Variants in DNAAF5 observed in about 807,000 individuals in gnomAD.
DNAAF5 encodes the protein dynein axonemal assembly factor 5.
A neutral mutation model predicts 75.8 loss-of-function variants in DNAAF5; 64 were observed. The ratio of observed to expected loss-of-function variants is 0.84; its 90% CI spans 0.69 to 1.04. The LOEUF is 1.04. Ranked by LOEUF, DNAAF5 falls within the 50% of genes least tolerant of loss-of-function variation. The pLI, the probability that DNAAF5 is intolerant of heterozygous loss-of-function variation, is 0.00. For synonymous variants in DNAAF5, 657 were observed against 557.2 expected (o/e 1.18, Z -2.52); for missense variants, 1,269 against 1,178.5 (o/e 1.08, Z -1.12).
rs1023892174 is a variant in DNAAF5 at position 754,359 on chromosome 7, C to G, written c.1025-230C>G. Among the ~76,000 whole-genome samples the G allele has an allele frequency of 6.6e-6, 1 of 152,134 alleles. No homozygotes were observed. The highest frequency in any genetic ancestry group is 2.4e-5 in the African/African-American group (1 of 41,414). ...CAGGCTGGTCTTGACTTCCTGGGCT[C>G]TAGTGATCCACCTGCCTTGGCCTCC... On this transcript the variant is annotated intron_variant, in intron 4 of 12. Coordinates refer to ENST00000297440, the MANE Select transcript of DNAAF5 (RefSeq NM_017802.4). This position sits in a 1 kb window ranked among gnomAD's most constrained non-coding sequence, Gnocchi z 4.8.
chr7:773,531 G>C (rs75111580), intron 9 of DNAAF5, among the ~76,000 whole-genome samples: 1 of 148,098 alleles, frequency 6.8e-6, no homozygotes, highest in African/African-American at 2.7e-5. Context: ...TGTGGCCCTT[G>C]GGTCCCCGGA....
intron 8 of DNAAF5, among the ~76,000 whole-genome samples, chr7:766,774 C>A (rs1782833668): frequency 6.6e-6 from 1 of 152,180 alleles, no homozygotes; most frequent in Admixed American, 6.5e-5. Flanking sequence ...TGTACCACTG[C>A]ACTCCAGCCC....
intron 9 of DNAAF5, among the ~76,000 whole-genome samples, chr7:773,133 A>G (rs1341825329): frequency 6.6e-6 from 1 of 152,218 alleles, no homozygotes; most frequent in African/African-American, 2.4e-5. Flanking sequence ...GCCCTCTTGC[A>G]AGTCACGGTG....
At chr7:743,405 C>T (rs1007648219) in intron 4 of DNAAF5, among the ~76,000 whole-genome samples, 1 of 151,786 alleles carries the variant, frequency 6.6e-6, no homozygotes, top group African/African-American at 2.4e-5. Flanking sequence ...AACAGTTTCT[C>T]ATGTCTGGTA....
Position 785,552 on chromosome 7 carries a change from C to A in DNAAF5, c.2467C>A (p.Leu823Ile), listed in dbSNP as rs948333896. 6.2e-7 allele frequency: 1 copy of A among 1,613,586 alleles called. No individual in the cohort carries two copies. Among genetic ancestry groups the A allele is most frequent in the African/African-American group, 1.3e-5 (1 of 74,938 alleles). ...AGAGGGCAGCGGGCTGTTCCCAGAT[C>A]TCCTGGTGAGGGAGACGGAGGCCGT... The part of the protein sequence containing the change: ...LKEGSGLFPD[L>I]LVRETEAVIH... Residue 823 changes from leucine (L) to isoleucine (I), a missense_variant, in exon 13 of 13, where the codon CTC (leucine) becomes ATC (isoleucine). Coordinates refer to ENST00000297440, the MANE Select transcript of DNAAF5 (RefSeq NM_017802.4).
At chr7:770,728 A>G (rs1778533978) in intron 9 of DNAAF5, 110 bp downstream of exon 9, 2 of 1,054,136 alleles carry the variant, frequency 1.9e-6, no homozygotes, top group Admixed American at 2.4e-5. Flanking sequence ...CTCCTTCCCC[A>G]ACACTGCACT....
At chr7:780,767 T>C (rs982929044) in intron 12 of DNAAF5, among the ~76,000 whole-genome samples, 4 of 151,628 alleles carry the variant, frequency 2.6e-5, no homozygotes, top group Non-Finnish European at 5.9e-5. Flanking sequence ...CCACGCTCAG[T>C]GCATTAAAAT....
At chr7:740,726 C>T (rs545800310) in intron 2 of DNAAF5, 93 bp from the exon 3 acceptor site, 31 of 1,530,116 alleles carry the variant, frequency 2.0e-5, no homozygotes, top group South Asian at 1.2e-4. Flanking sequence ...CCTCAGGCAG[C>T]GTCCGTATGG....
intron 8 of DNAAF5, among the ~76,000 whole-genome samples, chr7:766,978 G>A (rs377746403): frequency 1.5e-4 from 22 of 151,148 alleles, no homozygotes; most frequent in East Asian, 5.9e-4. Context: ...GGTGGCTCAC[G>A]CCTGTAATCC....
chr7:734,987 C>A (rs936292645), intron 2 of DNAAF5, among the ~76,000 whole-genome samples: 1 of 150,848 alleles, frequency 6.6e-6, no homozygotes, highest in Admixed American at 6.6e-5. Flanking sequence ...CTCACAGTGT[C>A]GCTGCTCACG....
At chr7:756,686 G>A in intron 5 of DNAAF5, 96 bp from the exon 6 acceptor site, 9 of 1,080,238 alleles carry the variant, frequency 8.3e-6, no homozygotes, top group Non-Finnish European at 1.3e-5. Flanking sequence ...TCTGTCTGGT[G>A]CACGGCTGTG....
At position 745,427 on chromosome 7, in the gene DNAAF5, T is replaced by TAC. The variant is rs767410019; in HGVS notation, c.1024+3976_1024+3977dup. 3.2e-3 allele frequency among the ~76,000 whole-genome samples: 402 copies of TAC among 125,418 alleles called. 1 individual carries two copies. Among genetic ancestry groups the TAC allele is most frequent in the Admixed American group, 6.0e-3 (75 of 12,508 alleles). The allele number at this position is 125,418 out of a possible 152,430, so 82.3% of individuals were successfully genotyped here. Reference sequence around the variant, plus strand: ...GAAGACAGAGCGAGGCGCACACGCATACACACACACACACATATTCACATG... The same window carrying TAC: ...GAAGACAGAGCGAGGCGCACACGCATACACACACACACACACATATTCACATG... On this transcript the variant is annotated intron_variant, in intron 4 of 12. Coordinates refer to ENST00000297440, the MANE Select transcript of DNAAF5 (RefSeq NM_017802.4).
intron 9 of DNAAF5, chr7:772,222 C>G (rs1778591934): frequency 6.6e-6 from 1 of 152,432 alleles, no homozygotes; most frequent in Non-Finnish European, 1.5e-5. Context: ...CACAGGCTTT[C>G]TGTGTCTTAC....
intron 12 of DNAAF5, 28 bp from the exon 13 acceptor site, chr7:785,489 A>G: frequency 6.2e-7 from 1 of 1,606,568 alleles, no homozygotes; most frequent in Non-Finnish European, 8.5e-7. Context: ...TGTTTCTGGC[A>G]TGTTCAAGGT....
intron 12 of DNAAF5, among the ~76,000 whole-genome samples, chr7:784,080 C>G (rs1439141459): frequency 6.6e-6 from 1 of 151,974 alleles, no homozygotes; most frequent in Non-Finnish European, 1.5e-5. Context: ...CTGGAAGCAG[C>G]CCGCCTTACC....
chr7:762,887 CAT>C (rs1207361218), intron 7 of DNAAF5, among the ~76,000 whole-genome samples: 8 of 152,276 alleles, frequency 5.3e-5, no homozygotes, highest in African/African-American at 1.9e-4. Context: ...GGGCTGGGAT[CAT>C]AGGCATGAGC....
In DNAAF5 at chr7:761,885, C is replaced by T; in HGVS notation, c.1603C>T (p.Leu535=). Reference sequence around the variant, plus strand: ...AGTGGCCCTCGCAGGTGCTACCGGCCTGAGGGACAAGGTAAGGCTGACAGT... The same window carrying T: ...AGTGGCCCTCGCAGGTGCTACCGGCTTGAGGGACAAGGTAAGGCTGACAGT... ...TIVALAGATG[L]RDKAQETMDS... Residue 535 remains leucine, a synonymous_variant, in exon 7 of 13, where the codon CTG becomes TTG. Transcript: ENST00000297440. 1.3e-6 allele frequency: 2 copies of T among 1,574,674 alleles called. No individual in the cohort carries two copies. The highest frequency in any genetic ancestry group is 2.3e-5 in the South Asian group (2 of 85,752).
At chr7:740,343 T>A (rs942292210) in intron 2 of DNAAF5, among the ~76,000 whole-genome samples, 1 of 152,200 alleles carries the variant, frequency 6.6e-6, no homozygotes, top group Admixed American at 6.5e-5. Context: ...CCAGAGTCCC[T>A]GGGCTCTGGG....
chr7:753,402 G>T (rs960912721), intron 4 of DNAAF5, among the ~76,000 whole-genome samples: 1 of 152,258 alleles, frequency 6.6e-6, no homozygotes, highest in Admixed American at 6.5e-5. Context: ...TCAGGCTCTA[G>T]AAAGTGCAGC....
Sources: gnomAD v4.1 joint callset for allele counts (sites outside exome capture counted in the v4.1 genomes callset) on GRCh38, gnomAD v4.1.1 for gene constraint, Gnocchi (gnomAD v3.1) non-coding constraint, MANE v1.5 for transcripts, NCBI Gene and HGNC (gene_info 2026-07-23, HGNC 2026-07-21) for gene names.